The following AHI1 variants were observed in gnomAD, a reference collection of about 807,000 sequenced individuals.
AHI1 encodes the protein jouberin.
A neutral mutation model predicts 149.3 loss-of-function variants in AHI1; 123 were observed. That is an observed-to-expected ratio of 0.82 (90% CI 0.71 to 0.96). AHI1 has a LOEUF of 0.96. AHI1 is among the 40% of genes least tolerant of loss of function. The probability of loss-of-function intolerance (pLI) is 0.00; values close to 1 mark genes in which losing one functional copy is unlikely to be tolerated. For synonymous variants in AHI1, 475 were observed against 459.8 expected, an observed-to-expected ratio of 1.03 and a Z score of -0.42; for missense variants, 1,439 against 1,422.7, an observed-to-expected ratio of 1.01 and a Z score of -0.18.
At chr6:135,293,464 A>G (rs1241409857) in intron 27 of AHI1, among the ~76,000 whole-genome samples, 2 of 151,470 alleles carry the variant, frequency 1.3e-5, no homozygotes, top group Non-Finnish European at 1.5e-5. Context: ...GATTGTGAAG[A>G]AAGAAAACTG....
At position 135,434,311 on chromosome 6, in the gene AHI1, T is replaced by C. The variant is rs376005396; in HGVS notation, c.2037-1055A>G. On this transcript the variant is annotated intron_variant, in intron 15 of 28. Coordinates refer to ENST00000265602, the MANE Select transcript of AHI1 (RefSeq NM_001134831.2). ...GAATCCAAACTAATAATAGAGGAAG[T>C]GAAAGAACATGTTTTCGAGTAAAAA... is the stretch of plus-strand genomic sequence containing the variant. Among the ~76,000 whole-genome samples, 35 of 152,098 alleles carry C rather than the reference T, an allele frequency of 2.3e-4. 1 individual carries two copies. The East Asian group carries it at 5.6e-3, about 24-fold the overall frequency.
At chr6:135,398,368 TG>T (rs1320332184) in intron 22 of AHI1, among the ~76,000 whole-genome samples, 1 of 152,078 alleles carries the variant, frequency 6.6e-6, no homozygotes, top group African/African-American at 2.4e-5. Context: ...AAGACAACAC[TG>T]TAACTGTTAA....
intron 23 of AHI1, among the ~76,000 whole-genome samples, chr6:135,379,688 G>C (rs983716755): frequency 9.9e-5 from 15 of 152,162 alleles, no homozygotes; most frequent in Admixed American, 2.6e-4. Context: ...ACAAGGTTCT[G>C]TACAATCTGG....
At chr6:135,360,284 C>A (rs1473378844) in intron 23 of AHI1, among the ~76,000 whole-genome samples, 1 of 152,128 alleles carries the variant, frequency 6.6e-6, no homozygotes, top group Non-Finnish European at 1.5e-5. Flanking sequence ...CTTGATCAAA[C>A]ATTATTCTAG....
At chr6:135,371,071 A>G (rs541864852) in intron 23 of AHI1, among the ~76,000 whole-genome samples, 1 of 152,324 alleles carries the variant, frequency 6.6e-6, no homozygotes, top group South Asian at 2.1e-4. Context: ...TTCTTTTTAT[A>G]TAGTTAAGTT....
At chr6:135,411,304 G>C (rs538292289) in intron 21 of AHI1, 44 bp downstream of exon 21, 12 of 1,524,370 alleles carry the variant, frequency 7.9e-6, no homozygotes, top group Middle Eastern at 1.7e-4. Context: ...TGTAAAACAG[G>C]ATAGAAATAG....
chr6:135,300,770 G>T, intron 26 of AHI1: 8 of 1,076,314 alleles, frequency 7.4e-6, no homozygotes, highest in East Asian at 5.9e-5. Flanking sequence ...TCTCCAGAGA[G>T]TTCAAACACT....
chr6:135,326,884 C>T (rs1787785597), intron 24 of AHI1, among the ~76,000 whole-genome samples: 1 of 152,116 alleles, frequency 6.6e-6, no homozygotes, highest in Admixed American at 6.5e-5. Flanking sequence ...TTTCATTCTT[C>T]ATCCCTCTCC....
intron 23 of AHI1, among the ~76,000 whole-genome samples, chr6:135,375,453 T>C (rs1221166772): frequency 2.0e-5 from 3 of 152,192 alleles, no homozygotes; most frequent in African/African-American, 4.8e-5. Flanking sequence ...AAGATTCAAG[T>C]ACATACGGTT....
intron 24 of AHI1, among the ~76,000 whole-genome samples, chr6:135,357,367 G>T (rs1398688428): frequency 6.6e-6 from 1 of 152,144 alleles, no homozygotes; most frequent in Non-Finnish European, 1.5e-5. Context: ...GGGACATTTT[G>T]GATTTCTAAT....
intron 24 of AHI1, among the ~76,000 whole-genome samples, chr6:135,335,320 GC>G (rs1789214125): frequency 1.3e-5 from 2 of 151,566 alleles, no homozygotes; most frequent in Admixed American, 1.3e-4. Context: ...TTAAAGATTA[GC>G]CAAATTTTAA....
At chr6:135,486,709 T>C (rs1216657484) in intron 5 of AHI1, among the ~76,000 whole-genome samples, 1 of 152,220 alleles carries the variant, frequency 6.6e-6, no homozygotes. Context: ...TTAAACTTTA[T>C]GTCATTTTGT....
At chr6:135,342,120 T>C (rs944370144) in intron 24 of AHI1, among the ~76,000 whole-genome samples, 4 of 151,848 alleles carry the variant, frequency 2.6e-5, no homozygotes, top group Non-Finnish European at 4.4e-5. Context: ...AGAAGTATCA[T>C]TAACTACTTT....
chr6:135,455,944 C>G lies in AHI1; in HGVS notation c.1152-18G>C. On this transcript the variant is annotated intron_variant, in intron 9 of 28. Transcript: ENST00000265602. ...GCCGTCCACTGTACAAAAAAAGATA[C>G]TTCCATTAACACAATTTTCATAATT... is the stretch of plus-strand genomic sequence containing the variant. 1 of 1,365,042 alleles carries G rather than the reference C, an allele frequency of 7.3e-7. No individual in the cohort carries two copies. The highest frequency in any genetic ancestry group is 9.6e-7 in the Non-Finnish European group (1 of 1,044,112). The allele number at this position is 1,365,042 out of a possible 1,614,324, so 84.6% of individuals were successfully genotyped here.
chr6:135,307,254 T>C (rs1048513081), intron 26 of AHI1: 1 of 152,252 alleles, frequency 6.6e-6, no homozygotes, highest in Admixed American at 6.5e-5. Context: ...TCCCTTTTTA[T>C]GTACCTAAAG....
chr6:135,384,663 T>C (rs920007886), intron 23 of AHI1, among the ~76,000 whole-genome samples: 3 of 152,216 alleles, frequency 2.0e-5, no homozygotes, highest in Admixed American at 6.5e-5. Context: ...AAAGTGTTAT[T>C]TGCATTCAGT....
intron 3 of AHI1, among the ~76,000 whole-genome samples, chr6:135,493,201 G>C (rs1184432450): frequency 6.6e-6 from 1 of 152,034 alleles, no homozygotes; most frequent in East Asian, 1.9e-4. Context: ...GTTTCATCAT[G>C]TTGGCCAGGC....
Position 135,422,409 on chromosome 6 carries a change from G to A in AHI1, c.2764+4758C>T, listed in dbSNP as rs571307179. 8.8e-4 allele frequency among the ~76,000 whole-genome samples: 134 copies of A among 152,066 alleles called. 1 individual carries two copies. The highest frequency in any genetic ancestry group is 1.8e-3 in the Admixed American group (27 of 15,270). On this transcript the variant is annotated intron_variant, in intron 20 of 28. Coordinates refer to ENST00000265602, the MANE Select transcript of AHI1 (RefSeq NM_001134831.2). ...TGGTCCCAGCTACTCGGGAGGCTGA[G>A]GTGGGAGGACTGCTTGAACCCAGGA...
intron 24 of AHI1, among the ~76,000 whole-genome samples, chr6:135,343,885 A>C (rs1272913027): frequency 6.6e-6 from 1 of 152,052 alleles, no homozygotes; most frequent in African/African-American, 2.4e-5. Context: ...AAAATAAAAA[A>C]GTAAACTAAA....
Sources: allele counts gnomAD v4.1 joint callset (sites outside exome capture counted in the v4.1 genomes callset), GRCh38; gene constraint gnomAD v4.1.1; transcripts MANE v1.5; gene names NCBI Gene and HGNC (gene_info 2026-07-23, HGNC 2026-07-21).